The following ADAMTSL1 variants were observed in gnomAD, a reference collection of about 807,000 sequenced individuals.
ADAMTSL1 encodes ADAMTS like 1.
In ADAMTSL1, 126 loss-of-function variants were observed where a neutral mutation model predicts 201.8. That is an observed-to-expected ratio of 0.62 (90% confidence interval 0.54 to 0.72). The LOEUF (loss-of-function observed/expected upper bound fraction) is 0.72, where lower values mean the gene tolerates loss of function less well. Ranked by LOEUF, ADAMTSL1 falls within the 30% of genes least tolerant of loss-of-function variation. ADAMTSL1 has a pLI of 0.00. For missense variants in ADAMTSL1, 2,679 were observed against 2,277.8 expected, an observed-to-expected ratio of 1.18 and a Z score of -3.59; for synonymous variants, 1,121 against 903.4, an observed-to-expected ratio of 1.24 and a Z score of -4.32.
intron 2 of ADAMTSL1, among the ~76,000 whole-genome samples, chr9:18,175,027 T>C (rs1248186131): frequency 6.6e-6 from 1 of 152,148 alleles, no homozygotes; most frequent in Non-Finnish European, 1.5e-5. Flanking sequence ...TAAGAGAAAA[T>C]ATCTGTATCT....
intron 2 of ADAMTSL1, among the ~76,000 whole-genome samples, chr9:18,197,591 C>T (rs568021075): frequency 3.4e-5 from 5 of 146,596 alleles, no homozygotes; most frequent in Admixed American, 6.9e-5. Context: ...TGAGACAATG[C>T]GGTTTTCTAG....
chr9:17,965,307 T>G, intron 1 of ADAMTSL1, among the ~76,000 whole-genome samples: 1 of 152,298 alleles, frequency 6.6e-6, no homozygotes, highest in Non-Finnish European at 1.5e-5. Context: ...AGAAGAAATA[T>G]GATACAACCC....
intron 2 of ADAMTSL1, among the ~76,000 whole-genome samples, chr9:18,380,601 C>T (rs1481888653): frequency 6.6e-6 from 1 of 152,064 alleles, no homozygotes; most frequent in Non-Finnish European, 1.5e-5. Context: ...TAAAAAGTTG[C>T]CATTTACACA....
At chr9:18,591,362 G>C (rs1367567660) in intron 4 of ADAMTSL1, among the ~76,000 whole-genome samples, 2 of 152,058 alleles carry the variant, frequency 1.3e-5, no homozygotes, top group South Asian at 4.1e-4. Flanking sequence ...GTTTCTATTT[G>C]CATGGAGTAT....
Position 18,674,054 on chromosome 9 carries a change from AATG to A in ADAMTSL1, c.1086-1802_1086-1800del, listed in dbSNP as rs367678767. ...TATCATCTGTCAGAAGGTAGAAAAA[AATG>A]GGATGGTTCACTCAAAAAAACAGAA... On this transcript the variant is annotated intron_variant, in intron 9 of 28. Transcript: ENST00000380548. Among the ~76,000 whole-genome samples the A allele has an allele frequency of 5.9e-4, 75 of 127,336 alleles. 1 individual carries two copies. The highest frequency in any genetic ancestry group is 2.0e-3 in the African/African-American group (67 of 33,438). The allele number at this position is 127,336 out of a possible 152,430, so 83.5% of individuals were successfully genotyped here.
intron 2 of ADAMTSL1, among the ~76,000 whole-genome samples, chr9:18,352,068 T>A (rs924519119): frequency 6.6e-6 from 1 of 152,172 alleles, no homozygotes; most frequent in Non-Finnish European, 1.5e-5. Flanking sequence ...ACAAACTTTT[T>A]TTTTTAGTAT....
intron 1 of ADAMTSL1, among the ~76,000 whole-genome samples, chr9:17,976,140 T>A (rs907403710): frequency 1.3e-5 from 2 of 152,154 alleles, no homozygotes; most frequent in Non-Finnish European, 2.9e-5. Flanking sequence ...TGTAATATAA[T>A]TTGAAATCAG....
At chr9:17,993,290 G>A (rs867004014) in intron 1 of ADAMTSL1, among the ~76,000 whole-genome samples, 2 of 152,224 alleles carry the variant, frequency 1.3e-5, no homozygotes, top group Middle Eastern at 3.4e-3. Context: ...TGTTTAACAT[G>A]TTAAATTACA....
intron 2 of ADAMTSL1, among the ~76,000 whole-genome samples, chr9:18,239,520 C>A (rs1294559966): frequency 1.3e-5 from 2 of 152,118 alleles, no homozygotes; most frequent in South Asian, 2.1e-4. Context: ...AAGTGGATCA[C>A]TTGAGGCCAG....
At chr9:18,769,735 T>A (rs1171852049) in intron 16 of ADAMTSL1, among the ~76,000 whole-genome samples, 1 of 152,156 alleles carries the variant, frequency 6.6e-6, no homozygotes, top group Non-Finnish European at 1.5e-5. Flanking sequence ...AACCCTTCCG[T>A]TTATATCCCA....
At chr9:18,761,800 A>T (rs557750806) in intron 16 of ADAMTSL1, among the ~76,000 whole-genome samples, 3 of 152,324 alleles carry the variant, frequency 2.0e-5, no homozygotes, top group African/African-American at 7.2e-5. Flanking sequence ...ATCAATGCAA[A>T]CACACTGAAG....
intron 2 of ADAMTSL1, among the ~76,000 whole-genome samples, chr9:18,316,588 A>C (rs1290219786): frequency 3.9e-5 from 6 of 152,070 alleles, no homozygotes; most frequent in East Asian, 3.9e-4. Flanking sequence ...GTTTAAGGTT[A>C]TCTCTCTTAT....
intron 1 of ADAMTSL1, among the ~76,000 whole-genome samples, chr9:18,106,699 T>C (rs1344913096): frequency 1.3e-5 from 2 of 152,308 alleles, no homozygotes; most frequent in East Asian, 3.9e-4. Context: ...CTTCACTTAT[T>C]TGGTTATTTT....
Position 18,881,250 on chromosome 9 carries a change from G to A in ADAMTSL1, c.4250-6581G>A, listed in dbSNP as rs563754924. Among the ~76,000 whole-genome samples, 7 of 152,250 alleles carry A rather than the reference G, an allele frequency of 4.6e-5. No homozygotes were observed. The South Asian group carries it at 1.5e-3, about 32-fold the overall frequency. On this transcript the variant is annotated intron_variant, in intron 23 of 28. Coordinates refer to ENST00000380548, the MANE Select transcript of ADAMTSL1 (RefSeq NM_001040272.6). ...AGCTTTTTCTTTGCATTCACAACTTGGCTGTTTGGAGCAAGAGACCTGTCT... is the reference window on the plus strand; with the variant it reads ...AGCTTTTTCTTTGCATTCACAACTTAGCTGTTTGGAGCAAGAGACCTGTCT...
At chr9:18,744,369 T>A (rs560843) in intron 15 of ADAMTSL1, among the ~76,000 whole-genome samples, 119,475 of 152,174 alleles carry the variant, frequency 0.79, 47,067 homozygotes, top group Non-Finnish European at 0.82. Flanking sequence ...TAGCAATGAA[T>A]GCTTAAATGA....
intron 15 of ADAMTSL1, among the ~76,000 whole-genome samples, chr9:18,726,921 T>C (rs1817930912): frequency 6.6e-6 from 1 of 152,170 alleles, no homozygotes. Context: ...GTCTCTTTTC[T>C]CAGACCTAGG....
At chr9:18,491,568 T>C (rs1329426309) in intron 1 of ADAMTSL1, among the ~76,000 whole-genome samples, 1 of 152,226 alleles carries the variant, frequency 6.6e-6, no homozygotes, top group Non-Finnish European at 1.5e-5. Flanking sequence ...CATGTCATGT[T>C]TCATGTACTG....
At chr9:18,064,513 C>T (rs1156898620) in intron 1 of ADAMTSL1, among the ~76,000 whole-genome samples, 1 of 152,124 alleles carries the variant, frequency 6.6e-6, no homozygotes, top group Non-Finnish European at 1.5e-5. Flanking sequence ...CCTTCTTGAA[C>T]CACAGTTTCT....
intron 2 of ADAMTSL1, among the ~76,000 whole-genome samples, chr9:18,192,494 T>C (rs1829009163): frequency 6.6e-6 from 1 of 152,104 alleles, no homozygotes; most frequent in Admixed American, 6.6e-5. Context: ...TTGAGTGGAG[T>C]ATTAAGCTTG....
Sources: allele counts gnomAD v4.1 joint callset (sites outside exome capture counted in the v4.1 genomes callset), GRCh38; gene constraint gnomAD v4.1.1; transcripts MANE v1.5; gene names NCBI Gene and HGNC (gene_info 2026-07-23, HGNC 2026-07-21).